Variants in MPRIP observed in about 807,000 individuals in gnomAD.
MPRIP encodes the protein myosin phosphatase Rho-interacting protein.
Under a neutral mutation model 234.9 loss-of-function variants are expected in MPRIP, and 59 were observed. The observed-to-expected ratio is 0.25, with a 90% CI of 0.20 to 0.31. The LOEUF (loss-of-function observed/expected upper bound fraction) is 0.31. MPRIP is among the 10% of genes least tolerant of loss of function. The pLI, the probability that MPRIP is intolerant of heterozygous loss-of-function variation, is 1.00. For synonymous variants in MPRIP, 1,144 were observed against 1,263.9 expected, an observed-to-expected ratio of 0.91 and a Z score of 2.01; for missense variants, 2,436 against 3,071.0, an observed-to-expected ratio of 0.79 and a Z score of 4.89.
intron 3 of MPRIP, among the ~76,000 whole-genome samples, chr17:17,107,653 T>G (rs902370810): frequency 6.6e-6 from 1 of 152,198 alleles, no homozygotes; most frequent in Non-Finnish European, 1.5e-5. Flanking sequence ...GCACATCCCC[T>G]GCTAGAGAGC....
At chr17:17,174,250 G>A (rs181359876) in intron 19 of MPRIP, among the ~76,000 whole-genome samples, 175 bp downstream of exon 19, 1 of 152,368 alleles carries the variant, frequency 6.6e-6, no homozygotes, top group East Asian at 1.9e-4. Context: ...GCCACCCAGC[G>A]TGGCCATCTG....
Position 17,166,032 on chromosome 17 carries a change from A to G in MPRIP, c.4441A>G (p.Asn1481Asp). Residue 1481 changes from asparagine to aspartate, a missense_variant, in exon 16 of 24, where the codon AAT becomes GAT. Transcript: ENST00000651222. This position sits in a 1 kb window ranked among gnomAD's most constrained non-coding sequence, Gnocchi z 4.4. ...KNSQALMCLENCREQLRSLPR... is the reference protein window; with the variant it reads ...KNSQALMCLEDCREQLRSLPR... Reference sequence around the variant, plus strand: ...TAGTCAGGCCCTGATGTGCCTGGAAAATTGCCGAGAACAACTGAGATCTCT... The same window carrying G: ...TAGTCAGGCCCTGATGTGCCTGGAAGATTGCCGAGAACAACTGAGATCTCT... The G allele has an allele frequency of 7.7e-7, 1 of 1,303,892 alleles. No individual in the cohort carries two copies. The highest frequency in any genetic ancestry group is 1.0e-6 in the Non-Finnish European group (1 of 988,768). 80.8% of individuals were successfully genotyped at this position (1,303,892 alleles called of 1,614,324 possible).
At chr17:17,102,153 G>A (rs1235698632) in intron 3 of MPRIP, among the ~76,000 whole-genome samples, 1 of 151,860 alleles carries the variant, frequency 6.6e-6, no homozygotes, top group African/African-American at 2.4e-5. Flanking sequence ...CTCCCAAAAC[G>A]CTGGAATTAC....
chr17:17,081,186 T>C (rs996500085), intron 3 of MPRIP, among the ~76,000 whole-genome samples: 1 of 152,246 alleles, frequency 6.6e-6, no homozygotes, highest in Non-Finnish European at 1.5e-5. Context: ...CTGACTTATA[T>C]GATGTTACCA....
chr17:17,062,059 C>T (rs1335092164), intron 1 of MPRIP, among the ~76,000 whole-genome samples: 2 of 151,980 alleles, frequency 1.3e-5, no homozygotes, highest in Non-Finnish European at 2.9e-5. Context: ...AGAGATACTG[C>T]CTTGCCCTGG....
intron 1 of MPRIP, among the ~76,000 whole-genome samples, chr17:17,044,121 G>A (rs545624601): frequency 6.6e-6 from 1 of 152,188 alleles, no homozygotes; most frequent in Non-Finnish European, 1.5e-5. Flanking sequence ...TTTCTCTGAG[G>A]TCAGGTTTCC....
intron 15 of MPRIP, among the ~76,000 whole-genome samples, 169 bp from the exon 16 acceptor site, chr17:17,163,940 A>AG (rs1310057901): frequency 2.0e-5 from 3 of 151,968 alleles, no homozygotes; most frequent in Non-Finnish European, 2.9e-5. Context: ...AAAAAAAAAA[A>AG]AAAGAAAATT....
rs1435396334 is a variant in MPRIP, at chr17:17,189,618, A to G, written c.*4724A>G. 6.6e-6 allele frequency: 1 copy of G among 152,248 alleles called. No individual in the cohort carries two copies. Among genetic ancestry groups the G allele is most frequent in the Non-Finnish European group, 1.5e-5 (1 of 68,040 alleles). 9.4% of individuals were successfully genotyped at this position (152,248 alleles called of 1,614,324 possible). On this transcript the variant is annotated 3_prime_UTR_variant, in exon 24 of 24. Transcript: ENST00000651222. ...TACTTCAAAGGAATTTGATGTTGAA[A>G]TTTTAAAGAAAATTTGTCATGTTGA...
rs559461416 is a variant in MPRIP at position 17,102,896 on chromosome 17, A to G, written c.268-23806A>G. 1.1e-4 allele frequency among the ~76,000 whole-genome samples: 17 copies of G among 152,188 alleles called. 1 individual carries two copies. The South Asian group carries it at 3.5e-3, about 32-fold the overall frequency. ...CTTCTTCCTGCCCTTACCCAGCCAA[A>G]CCTGCACCCTTCTGGGGGTGGACCT... On this transcript the variant is annotated intron_variant, in intron 3 of 23. Transcript: ENST00000651222.
At chr17:17,082,154 G>A (rs919589850) in intron 3 of MPRIP, among the ~76,000 whole-genome samples, 9 of 152,144 alleles carry the variant, frequency 5.9e-5, no homozygotes, top group African/African-American at 2.2e-4. Context: ...GAAGGCTCTT[G>A]GGAGGAGCTC....
chr17:17,158,259 G>A (rs988797433), intron 13 of MPRIP, among the ~76,000 whole-genome samples, 173 bp from the exon 14 acceptor site: 8 of 151,816 alleles, frequency 5.3e-5, no homozygotes, highest in African/African-American at 1.9e-4. Context: ...GAAGGGATGT[G>A]GGGTAAAGGC....
At chr17:17,121,124 G>A (rs117672462) in intron 3 of MPRIP, among the ~76,000 whole-genome samples, 4,254 of 152,312 alleles carry the variant, frequency 0.028, 86 homozygotes, top group Middle Eastern at 0.051. Flanking sequence ...ACAGTTCTGC[G>A]TTGTTTAATG....
chr17:17,064,496 C>T (rs1014125884), intron 1 of MPRIP, among the ~76,000 whole-genome samples: 5 of 152,166 alleles, frequency 3.3e-5, no homozygotes, highest in African/African-American at 9.7e-5. Flanking sequence ...TACGGCACCA[C>T]GGCTGGGATA....
intron 20 of MPRIP, among the ~76,000 whole-genome samples, 198 bp downstream of exon 20, chr17:17,175,610 G>A (rs947041557): frequency 5.3e-5 from 8 of 152,220 alleles, no homozygotes; most frequent in Non-Finnish European, 1.0e-4. Flanking sequence ...GCCACTAGCC[G>A]AGTGGAGCCC....
intron 1 of MPRIP, among the ~76,000 whole-genome samples, chr17:17,057,354 T>G (rs960095807): frequency 1.3e-5 from 2 of 152,258 alleles, no homozygotes; most frequent in Admixed American, 6.5e-5. Flanking sequence ...ACGCCTTCTT[T>G]CTTCCCTTTT....
intron 23 of MPRIP, chr17:17,183,170 A>G (rs1225461074): frequency 6.6e-6 from 1 of 152,284 alleles, no homozygotes; most frequent in Non-Finnish European, 1.5e-5. Context: ...ACACACAATT[A>G]TCAAGCTGTG....
At chr17:17,062,554 G>C (rs1185991236) in intron 1 of MPRIP, among the ~76,000 whole-genome samples, 2 of 152,210 alleles carry the variant, frequency 1.3e-5, no homozygotes, top group African/African-American at 4.8e-5. Context: ...CTTCAGGGCA[G>C]CTGCTGGAGA....
intron 12 of MPRIP, among the ~76,000 whole-genome samples, chr17:17,151,009 C>CTTATTATTATTATTATTA (rs57859773): frequency 3.9e-4 from 57 of 145,344 alleles, no homozygotes; most frequent in East Asian, 1.6e-3. Context: ...CCATGCCCAG[C>CTTATTATTATTATTATTA]TTATTATTAT....
At chr17:17,057,626 T>C in intron 1 of MPRIP, 1 of 718,092 alleles carries the variant, frequency 1.4e-6, no homozygotes, top group South Asian at 1.5e-5. Context: ...AACCTTTATT[T>C]CTTTGGCAGC....
Sources: gnomAD v4.1 joint callset for allele counts (sites outside exome capture counted in the v4.1 genomes callset) on GRCh38, gnomAD v4.1.1 for gene constraint, Gnocchi (gnomAD v3.1) non-coding constraint, MANE v1.5 for transcripts, NCBI Gene and HGNC (gene_info 2026-07-23, HGNC 2026-07-21) for gene names.